The following ADD2 variants were observed in gnomAD, a reference collection of about 807,000 sequenced individuals.
ADD2 encodes the protein adducin 2, also known as beta-adducin.
Under a neutral mutation model 83.0 loss-of-function variants are expected in ADD2, and 23 were observed. That is an observed-to-expected ratio of 0.28 (90% CI 0.20 to 0.39). ADD2 has a LOEUF of 0.39. ADD2 is among the 10% of genes least tolerant of loss of function. The pLI is 1.00. For missense variants in ADD2, 758 were observed against 944.9 expected (o/e 0.80, Z 2.59); for synonymous variants, 375 against 375.4 (o/e 1.00, Z 0.01).
intron 12 of ADD2, 120 bp downstream of exon 12, chr2:70,677,638 C>A: frequency 7.6e-7 from 1 of 1,322,630 alleles, no homozygotes; most frequent in Non-Finnish European, 1.1e-6. Flanking sequence ...TTTCTCTCTC[C>A]TGTGAGGCAT....
chr2:70,677,709 A>AC (rs782096302), intron 12 of ADD2, 49 bp downstream of exon 12: 21 of 1,598,348 alleles, frequency 1.3e-5, no homozygotes, highest in East Asian at 9.0e-5. Flanking sequence ...GGGACCTGAG[A>AC]CCCCCCAGTG....
chr2:70,720,105 C>CTGGGCATTTCCCCCCACTGTT (rs1553377073), intron 1 of ADD2, among the ~76,000 whole-genome samples: 39 of 152,230 alleles, frequency 2.6e-4, no homozygotes, highest in Admixed American at 2.2e-3. Context: ...GTTTTTTTTA[C>CTGGGCATTTCCCCCCACTGTT]TGGGCATTTC....
intron 1 of ADD2, among the ~76,000 whole-genome samples, chr2:70,749,206 T>C (rs1000582018): frequency 2.0e-5 from 3 of 152,104 alleles, no homozygotes; most frequent in African/African-American, 7.2e-5. Flanking sequence ...TTAGATCTCA[T>C]GAGAACTCAC....
At chr2:70,681,490 C>T (rs1216376282) in intron 10 of ADD2, among the ~76,000 whole-genome samples, 2 of 152,178 alleles carry the variant, frequency 1.3e-5, no homozygotes, top group African/African-American at 4.8e-5. Flanking sequence ...AATCCCTAAC[C>T]TCTGAGGCTT....
intron 1 of ADD2, chr2:70,741,441 A>G (rs1673899656): frequency 6.6e-6 from 1 of 152,214 alleles, no homozygotes; most frequent in African/African-American, 2.4e-5. Context: ...AGTGAGAGCA[A>G]ATGTATTAAC....
At chr2:70,693,518 A>C (rs1207089169) in intron 6 of ADD2, among the ~76,000 whole-genome samples, 1 of 152,120 alleles carries the variant, frequency 6.6e-6, no homozygotes, top group East Asian at 1.9e-4. Flanking sequence ...AGGGAGACAG[A>C]CTCTAATGTG....
chr2:70,689,960 G>A (rs114130722), intron 8 of ADD2, among the ~76,000 whole-genome samples: 2,430 of 152,178 alleles, frequency 0.016, 60 homozygotes, highest in African/African-American at 0.055. Context: ...GCAATTTGGC[G>A]GCATGAAGTG....
chr2:70,738,665 G>A (rs1179202803), intron 1 of ADD2, among the ~76,000 whole-genome samples: 1 of 152,226 alleles, frequency 6.6e-6, no homozygotes, highest in Non-Finnish European at 1.5e-5. Flanking sequence ...GCCAGGGACA[G>A]ATGTGGATTC....
intron 8 of ADD2, among the ~76,000 whole-genome samples, chr2:70,688,989 C>T (rs1670885838): frequency 6.6e-6 from 1 of 152,022 alleles, no homozygotes; most frequent in African/African-American, 2.4e-5. Flanking sequence ...CCTGTAGTCC[C>T]AGCTACTCGG....
intron 11 of ADD2, 142 bp downstream of exon 11, chr2:70,678,562 C>T: frequency 1.6e-6 from 2 of 1,242,096 alleles, no homozygotes; most frequent in Non-Finnish European, 1.1e-6. Context: ...GCAGCTGCTC[C>T]CAGAGGCCTA....
At chr2:70,704,263 T>TGGCCCCCCCCCCCACCC in intron 4 of ADD2, 58 bp downstream of exon 4, 2 of 913,236 alleles carry the variant, frequency 2.2e-6, no homozygotes, top group Non-Finnish European at 1.7e-6. Context: ...CTCCCTCTCT[T>TGGCCCCCCCCCCCACCC]CCCCACCCCA....
chr2:70,671,263 CGA>C (rs1558519560), intron 15 of ADD2, among the ~76,000 whole-genome samples: 1 of 152,074 alleles, frequency 6.6e-6, no homozygotes, highest in Admixed American at 6.5e-5. Flanking sequence ...CGGGAGTGCC[CGA>C]GAGTTGGCCC....
chr2:70,692,121 C>T (rs1352453226), intron 7 of ADD2, among the ~76,000 whole-genome samples: 7 of 152,210 alleles, frequency 4.6e-5, no homozygotes, highest in African/African-American at 1.2e-4. Flanking sequence ...GCAGGCCCCA[C>T]GCCTTGGTCC....
At position 70,683,645 on chromosome 2, in the gene ADD2, C is replaced by T; in HGVS notation, c.1071G>A (p.Lys357=). The change falls in exon 10 of 16, where the codon AAG becomes AAA. Residue 357 remains lysine (K), a synonymous_variant. Coordinates refer to ENST00000264436, the MANE Select transcript of ADD2 (RefSeq NM_001617.4). ...WAGSTFGPMQ[K]SRLGEHEFEA... is the part of the protein sequence containing the mutation. ...CAAACTCATGCTCCCCCAGCCGACTCTTCTGCATAGGCCCAAAGGTGCTCC... is the reference window on the plus strand; with the variant it reads ...CAAACTCATGCTCCCCCAGCCGACTTTTCTGCATAGGCCCAAAGGTGCTCC... The T allele has an allele frequency of 6.2e-7, 1 of 1,614,170 alleles. No individual in the cohort carries two copies. The highest frequency in any genetic ancestry group is 8.5e-7 in the Non-Finnish European group (1 of 1,179,994).
chr2:70,741,819 G>C (rs1346321424), intron 1 of ADD2, among the ~76,000 whole-genome samples: 2 of 152,124 alleles, frequency 1.3e-5, no homozygotes, highest in African/African-American at 4.8e-5. Flanking sequence ...AAATCATATG[G>C]TGTCTTGGTA....
chr2:70,723,369 A>G (rs1553377709), intron 1 of ADD2, among the ~76,000 whole-genome samples: 1 of 150,280 alleles, frequency 6.7e-6, no homozygotes, highest in Non-Finnish European at 1.5e-5. Context: ...CCTCATATGG[A>G]TTCTTAACAT....
Position 70,660,166 on chromosome 2 carries a change from A to G in ADD2, c.*3259T>C, listed in dbSNP as rs1340744646. The G allele has an allele frequency of 2.0e-5, 3 of 152,218 alleles. No individual in the cohort carries two copies. Among genetic ancestry groups the G allele is most frequent in the Non-Finnish European group, 2.9e-5 (2 of 68,038 alleles). 9.4% of individuals were successfully genotyped at this position (152,218 alleles called of 1,614,324 possible). A position where few individuals can be genotyped will look rare whatever the true frequency, so the allele number is the denominator to read the frequency against. On this transcript the variant is annotated 3_prime_UTR_variant, in exon 16 of 16. Coordinates refer to ENST00000264436, the MANE Select transcript of ADD2 (RefSeq NM_001617.4). ...GGTGCATGTCCTCAAGCCTGGAGCT[A>G]AATGTGCCACATTCTGTGCAAGGGA... is the stretch of plus-strand genomic sequence containing the variant.
In ADD2 at chr2:70,676,827, G is replaced by C; in HGVS notation, c.1562C>G (p.Ala521Gly). Residue 521 changes from alanine (A) to glycine (G), a missense_variant, in exon 13 of 16, where the codon GCG (alanine) becomes GGG (glycine). By Grantham distance (60) the Ala-to-Gly change is moderately conservative (BLOSUM62 0). Coordinates refer to ENST00000264436, the MANE Select transcript of ADD2 (RefSeq NM_001617.4). This position sits in a 1 kb window ranked among gnomAD's most constrained non-coding sequence, Gnocchi z 4.8. The part of the protein sequence containing the change: ...KSAGPQSQLL[A>G]SVIAEKSRSP... Reference sequence around the variant, plus strand: ...TCGGCTCTTCTCGGCAATGACGCTCGCCAGGAGCTGGGACTGAGGCCCCGC... The same window carrying C: ...TCGGCTCTTCTCGGCAATGACGCTCCCCAGGAGCTGGGACTGAGGCCCCGC... 6.2e-7 allele frequency: 1 copy of C among 1,614,192 alleles called. No individual in the cohort carries two copies. The highest frequency in any genetic ancestry group is 8.5e-7 in the Non-Finnish European group (1 of 1,180,028).
chr2:70,761,078 T>A (rs1444668026), intron 1 of ADD2, among the ~76,000 whole-genome samples: 1 of 152,180 alleles, frequency 6.6e-6, no homozygotes, highest in Non-Finnish European at 1.5e-5. Context: ...AGATTCCAAC[T>A]AATCAAGGAA....
Sources: allele counts gnomAD v4.1 joint callset (sites outside exome capture counted in the v4.1 genomes callset), GRCh38; gene constraint gnomAD v4.1.1; non-coding constraint Gnocchi (gnomAD v3.1); transcripts MANE v1.5; gene names NCBI Gene and HGNC (gene_info 2026-07-23, HGNC 2026-07-21).